Variants in PISD observed in about 807,000 individuals in gnomAD.
The protein encoded by PISD is phosphatidylserine decarboxylase.
A neutral mutation model predicts 43.5 loss-of-function variants in PISD; 31 were observed. The ratio of observed to expected loss-of-function variants is 0.71; its 90% confidence interval spans 0.54 to 0.96. PISD has a LOEUF of 0.96. Ranked by LOEUF, PISD falls within the 40% of genes least tolerant of loss-of-function variation. The pLI is 0.00. For synonymous variants in PISD, 259 were observed against 228.7 expected (o/e 1.13, Z -1.20); for missense variants, 523 against 548.4 (o/e 0.95, Z 0.46).
In PISD at chr22:31,662,189, T is replaced by C; in HGVS notation, c.20A>G (p.His7Arg). The C allele has an allele frequency of 1.2e-6, 2 of 1,605,330 alleles. No individual in the cohort carries two copies. Among genetic ancestry groups the C allele is most frequent in the South Asian group, 1.1e-5 (1 of 91,086 alleles). MATSVG[H>R]RCLGLLHGVA... ...CCCGTGCAGTAATCCCAGACATCGGTGCCCCACGGACGTCGCCATCTTGTC... is the reference window on the plus strand; with the variant it reads ...CCCGTGCAGTAATCCCAGACATCGGCGCCCCACGGACGTCGCCATCTTGTC... The change falls in exon 1 of 8, where the codon CAC becomes CGC. Residue 7 changes from histidine (H) to arginine (R), a missense_variant. His to Arg is a conservative substitution (Grantham distance 29). Transcript: ENST00000439502.
intron 7 of PISD, 122 bp downstream of exon 7, chr22:31,620,431 G>T (rs2072479789): frequency 1.0e-6 from 1 of 964,720 alleles, no homozygotes; most frequent in Non-Finnish European, 1.6e-6. Flanking sequence ...GCAGAGCCAG[G>T]CCTGACCAGA....
At chr22:31,636,700 C>T (rs564012583) in intron 3 of PISD, among the ~76,000 whole-genome samples, 61 of 152,196 alleles carry the variant, frequency 4.0e-4, no homozygotes, top group African/African-American at 1.4e-3. Flanking sequence ...CCACCACGCC[C>T]GGCTAATTTT....
chr22:31,623,714 G>A (rs781057071), intron 3 of PISD: 8 of 1,613,988 alleles, frequency 5.0e-6, no homozygotes, highest in Middle Eastern at 3.3e-4. Flanking sequence ...CCACCCGGCT[G>A]AGCGGTCTGA....
At chr22:31,660,546 T>C (rs2074288494) in intron 1 of PISD, among the ~76,000 whole-genome samples, 1 of 152,004 alleles carries the variant, frequency 6.6e-6, no homozygotes, top group African/African-American at 2.4e-5. Flanking sequence ...TGGTCCTAGC[T>C]ACTCAGGAGG....
At chr22:31,649,655 C>A (rs2073982258) in intron 2 of PISD, among the ~76,000 whole-genome samples, 2 of 152,218 alleles carry the variant, frequency 1.3e-5, no homozygotes, top group South Asian at 4.1e-4. Context: ...ATGACATGAA[C>A]CCAGGATGCG....
chr22:31,628,905 C>T, intron 3 of PISD: 1 of 985,264 alleles, frequency 1.0e-6, no homozygotes. Flanking sequence ...GGGTTTCCAC[C>T]ACAGGAAAGA....
intron 5 of PISD, 68 bp from the exon 6 acceptor site, chr22:31,621,210 T>C: frequency 6.2e-7 from 1 of 1,611,938 alleles, no homozygotes; most frequent in Non-Finnish European, 8.5e-7. Context: ...CCGAGTGTGG[T>C]CTGCACATGG....
chr22:31,622,831 G>A (rs779122831), intron 3 of PISD, among the ~76,000 whole-genome samples: 1 of 152,244 alleles, frequency 6.6e-6, no homozygotes, highest in African/African-American at 2.4e-5. Context: ...TGCTGCCACT[G>A]TAGAAGCTGC....
chr22:31,657,231 G>A (rs575318468), intron 1 of PISD, among the ~76,000 whole-genome samples: 2 of 152,028 alleles, frequency 1.3e-5, no homozygotes, highest in East Asian at 1.9e-4. Flanking sequence ...CCGCCTCCTG[G>A]GTTCAAGCAA....
chr22:31,659,992 A>T (rs770109615), intron 1 of PISD, among the ~76,000 whole-genome samples: 1 of 152,104 alleles, frequency 6.6e-6, no homozygotes, highest in Non-Finnish European at 1.5e-5. Context: ...TCTTTTATCA[A>T]ATGAGTTTAG....
At chr22:31,659,035 G>A (rs1301580796) in intron 1 of PISD, among the ~76,000 whole-genome samples, 2 of 151,516 alleles carry the variant, frequency 1.3e-5, no homozygotes, top group East Asian at 3.9e-4. Flanking sequence ...TGTGTTTTTT[G>A]TACAGATGGG....
At chr22:31,654,578 C>G (rs1369148768) in intron 1 of PISD, among the ~76,000 whole-genome samples, 1 of 152,124 alleles carries the variant, frequency 6.6e-6, no homozygotes. Context: ...AGAGACTAGC[C>G]AGATGTTTAC....
At chr22:31,642,860 T>C (rs1372904979) in intron 3 of PISD, among the ~76,000 whole-genome samples, 4 of 151,064 alleles carry the variant, frequency 2.6e-5, no homozygotes, top group African/African-American at 7.3e-5. Context: ...CCCAGCACTT[T>C]GGGAGGCTGA....
At position 31,659,153 on chromosome 22, in the gene PISD, C is replaced by T. The variant is rs117343380; in HGVS notation, c.65+2991G>A. Among the ~76,000 whole-genome samples, 856 of 152,178 alleles carry T rather than the reference C, an allele frequency of 5.6e-3. 2 individuals carry two copies. Among genetic ancestry groups the T allele is most frequent in the Non-Finnish European group, 9.3e-3 (629 of 67,990 alleles). ...ACAGGCATGAGACACCACGCCCAGG[C>T]CTAAGACATTTTTAACATCACCCCT... On this transcript the variant is annotated intron_variant, in intron 1 of 7. Transcript: ENST00000439502.
At chr22:31,629,232 G>C in intron 3 of PISD, 3 of 985,258 alleles carry the variant, frequency 3.0e-6, no homozygotes, top group Middle Eastern at 1.0e-3. Context: ...ATTGTTGTGC[G>C]TGAGGGGTAG....
At chr22:31,648,748 T>C (rs190383136) in intron 2 of PISD, among the ~76,000 whole-genome samples, 33 of 151,862 alleles carry the variant, frequency 2.2e-4, no homozygotes, top group African/African-American at 7.7e-4. Context: ...CTTGGGCCAC[T>C]ACTCAGACCC....
intron 3 of PISD, among the ~76,000 whole-genome samples, chr22:31,634,894 C>G (rs1052959580): frequency 6.7e-6 from 1 of 148,920 alleles, no homozygotes; most frequent in Admixed American, 6.8e-5. Context: ...AGGCCTGGCA[C>G]GGTGACTCAT....
intron 3 of PISD, among the ~76,000 whole-genome samples, chr22:31,631,139 C>CT (rs140893263): frequency 0.048 from 7,310 of 152,308 alleles, 221 homozygotes; most frequent in African/African-American, 0.076. Flanking sequence ...TGCCTCCTGT[C>CT]TGTCCTCAGT....
chr22:31,649,163 T>A (rs1217735544), intron 2 of PISD, among the ~76,000 whole-genome samples: 12 of 152,090 alleles, frequency 7.9e-5, no homozygotes, highest in Non-Finnish European at 7.4e-5. Context: ...AAGGTTACAG[T>A]GAGCTATGAT....
Sources: allele counts gnomAD v4.1 joint callset (sites outside exome capture counted in the v4.1 genomes callset), GRCh38; gene constraint gnomAD v4.1.1; transcripts MANE v1.5; gene names NCBI Gene and HGNC (gene_info 2026-07-23, HGNC 2026-07-21).